The following SLC7A14 variants were observed in gnomAD, a reference collection of about 807,000 sequenced individuals.
The protein encoded by SLC7A14 is solute carrier family 7 member 14.
In SLC7A14, 37 loss-of-function variants were observed where a neutral mutation model predicts 60.2. The ratio of observed to expected loss-of-function variants is 0.61; its 90% CI spans 0.47 to 0.81. The LOEUF (loss-of-function observed/expected upper bound fraction) is 0.81, where lower values mean the gene tolerates loss of function less well. Ranked by LOEUF, SLC7A14 falls within the 30% of genes least tolerant of loss-of-function variation. The pLI is 0.00. For missense variants in SLC7A14, 886 were observed against 982.7 expected (o/e 0.90, Z 1.32); for synonymous variants, 399 against 395.8 (o/e 1.01, Z -0.10).
intron 1 of SLC7A14, among the ~76,000 whole-genome samples, chr3:170,553,200 C>G (rs1254655508): frequency 6.6e-6 from 1 of 152,308 alleles, no homozygotes; most frequent in African/African-American, 2.4e-5. Flanking sequence ...ATCCCTGGCT[C>G]TACCTCAATC....
At chr3:170,505,656 C>T (rs945227651) in intron 2 of SLC7A14, among the ~76,000 whole-genome samples, 7 of 152,074 alleles carry the variant, frequency 4.6e-5, no homozygotes, top group African/African-American at 1.4e-4. Context: ...GAGGGCGAGG[C>T]GGGTGGATCA....
intron 2 of SLC7A14, among the ~76,000 whole-genome samples, chr3:170,505,364 G>A (rs1371840454): frequency 6.6e-6 from 1 of 152,148 alleles, no homozygotes; most frequent in Non-Finnish European, 1.5e-5. Flanking sequence ...GTCTCCTAAT[G>A]TACGCATGCC....
rs1266296455 is a variant in SLC7A14 at position 170,483,340 on chromosome 3, G to A, written c.1089C>T (p.Ala363=). 1 of 1,614,132 alleles carries A rather than the reference G, an allele frequency of 6.2e-7. No homozygotes were observed. Among genetic ancestry groups the A allele is most frequent in the East Asian group, 2.2e-5 (1 of 44,882 alleles). The change falls in exon 6 of 8, where the codon GCC becomes GCT. Residue 363 remains alanine (A), a synonymous_variant. Transcript: ENST00000231706. Reference sequence around the variant, plus strand: ...TGAAAAGGAGCCCGTCACCAGCCATGGCATAAATGACCCTCGGCATCGGGA... The same window carrying A: ...TGAAAAGGAGCCCGTCACCAGCCATAGCATAAATGACCCTCGGCATCGGGA... The part of the protein sequence containing the change: ...SLFPMPRVIY[A]MAGDGLLFRF...
Position 170,576,319 on chromosome 3 carries a change from A to G in SLC7A14, c.-153+9592T>C, listed in dbSNP as rs967844697. On this transcript the variant is annotated intron_variant, in intron 1 of 7. Coordinates refer to ENST00000231706, the MANE Select transcript of SLC7A14 (RefSeq NM_020949.3). ...TTGTCATAAAACAAGTGAATATTAC[A>G]ATGTTTCTTCAATAAATTGCAAAGA... Among the ~76,000 whole-genome samples, 62 of 152,214 alleles carry G rather than the reference A, an allele frequency of 4.1e-4. 1 individual carries two copies.
chr3:170,484,443 G>A (rs550113041), intron 5 of SLC7A14, among the ~76,000 whole-genome samples: 16 of 152,122 alleles, frequency 1.1e-4, no homozygotes, highest in Non-Finnish European at 1.9e-4. Context: ...TACTCCCCTC[G>A]CATATTATTG....
chr3:170,576,713 G>C (rs1016405332), intron 1 of SLC7A14, among the ~76,000 whole-genome samples: 4 of 152,126 alleles, frequency 2.6e-5, no homozygotes, highest in African/African-American at 7.2e-5. Context: ...TTTCAGTGGG[G>C]GTGGAGTGCT....
chr3:170,585,221 G>C lies in SLC7A14; in HGVS notation c.-153+690C>G, dbSNP rs900718053. On this transcript the variant is annotated intron_variant, in intron 1 of 7. Transcript: ENST00000231706. The surrounding 1 kb of genome is among the most constrained non-coding windows in gnomAD (Gnocchi z 5.1). ...GTGCAGGAGAGCTCCCCTTGCTGGG[G>C]CTGCCGGCTCTGGGCAGGGAGCTTC... Among the ~76,000 whole-genome samples, 5 of 152,150 alleles carry C rather than the reference G, an allele frequency of 3.3e-5. No individual in the cohort carries two copies. Among genetic ancestry groups the C allele is most frequent in the African/African-American group, 1.2e-4 (5 of 41,450 alleles).
intron 1 of SLC7A14, among the ~76,000 whole-genome samples, chr3:170,570,846 C>A (rs561962320): frequency 6.6e-6 from 1 of 152,216 alleles, no homozygotes; most frequent in East Asian, 1.9e-4. Flanking sequence ...AACCACCCCC[C>A]ACCCACCCCA....
At chr3:170,510,896 T>C (rs937011925) in intron 2 of SLC7A14, among the ~76,000 whole-genome samples, 2 of 152,246 alleles carry the variant, frequency 1.3e-5, no homozygotes, top group African/African-American at 4.8e-5. Context: ...CTAGACTCAC[T>C]GTACGTGGTT....
chr3:170,473,242 A>G (rs1029600518), intron 7 of SLC7A14, among the ~76,000 whole-genome samples: 2 of 152,190 alleles, frequency 1.3e-5, no homozygotes, highest in African/African-American at 4.8e-5. Context: ...ACCTACAAGA[A>G]AGAGAGGTGG....
chr3:170,486,250 A>T lies in SLC7A14; in HGVS notation c.878T>A (p.Leu293Gln), dbSNP rs1712025051. 1.2e-6 allele frequency: 2 copies of T among 1,614,086 alleles called. No homozygotes were observed. Among genetic ancestry groups the T allele is most frequent in the South Asian group, 2.2e-5 (2 of 91,080 alleles). ...TSIPYAITAS[L>Q]VICLTAYVSV... ...CACATATGCTGTCAGGCAGATGACCAGGGAGGCAGTGATAGCATAAGGGAT... is the reference window on the plus strand; with the variant it reads ...CACATATGCTGTCAGGCAGATGACCTGGGAGGCAGTGATAGCATAAGGGAT... Residue 293 changes from leucine to glutamine, a missense_variant, in exon 5 of 8, where the codon CTG (leucine) becomes CAG (glutamine). By Grantham distance (113) the Leu-to-Gln change is moderately radical (BLOSUM62 -2). Coordinates refer to ENST00000231706, the MANE Select transcript of SLC7A14 (RefSeq NM_020949.3).
chr3:170,527,165 T>G, intron 1 of SLC7A14, 77 bp from the exon 2 acceptor site: 1 of 575,266 alleles, frequency 1.7e-6, no homozygotes, highest in East Asian at 2.9e-5. Context: ...TGGTTGGAGG[T>G]TAATGTCCTG....
At chr3:170,550,632 C>CT (rs1466182448) in intron 1 of SLC7A14, among the ~76,000 whole-genome samples, 1 of 148,344 alleles carries the variant, frequency 6.7e-6, no homozygotes, top group East Asian at 2.1e-4. Flanking sequence ...AGCAATTCTC[C>CT]TGCCTCAGCC....
chr3:170,512,342 T>G (rs1426730213), intron 2 of SLC7A14, among the ~76,000 whole-genome samples: 3 of 152,000 alleles, frequency 2.0e-5, no homozygotes, highest in African/African-American at 7.3e-5. Flanking sequence ...CCACAGCAAA[T>G]CTTTCATGGG....
intron 1 of SLC7A14, among the ~76,000 whole-genome samples, chr3:170,582,920 C>T (rs553955887): frequency 1.1e-4 from 17 of 152,210 alleles, no homozygotes; most frequent in South Asian, 8.3e-4. Context: ...TATGTTAGAG[C>T]GAACTAGAAT....
Position 170,526,913 on chromosome 3 carries a change from C to T in SLC7A14, c.24G>A (p.Leu8=). Residue 8 remains leucine (L), a synonymous_variant, in exon 2 of 8, where the codon CTG becomes CTA. Transcript: ENST00000231706. MSGFFTS[L]DPRRVQWGAA... ...CTCCCCACTGCACCCGCCGGGGGTCCAGCGAGGTGAAGAAGCCACTCATCT... is the reference window on the plus strand; with the variant it reads ...CTCCCCACTGCACCCGCCGGGGGTCTAGCGAGGTGAAGAAGCCACTCATCT... 6.2e-7 allele frequency: 1 copy of T among 1,613,354 alleles called. No homozygotes were observed. The highest frequency in any genetic ancestry group is 8.5e-7 in the Non-Finnish European group (1 of 1,179,730).
chr3:170,522,169 G>A (rs552370852), intron 2 of SLC7A14, among the ~76,000 whole-genome samples: 17 of 152,190 alleles, frequency 1.1e-4, no homozygotes, highest in Non-Finnish European at 2.2e-4. Context: ...CAAAGAACTG[G>A]AACTTTCACA....
chr3:170,486,244 A>C lies in SLC7A14; in HGVS notation c.884T>G (p.Ile295Ser). Residue 295 changes from isoleucine to serine, a missense_variant, in exon 5 of 8, where the codon ATC becomes AGC. Physicochemically the swap from Ile to Ser is moderately radical, Grantham distance 142. Coordinates refer to ENST00000231706, the MANE Select transcript of SLC7A14 (RefSeq NM_020949.3). ...IPYAITASLV[I>S]CLTAYVSVSV... Reference sequence around the variant, plus strand: ...TACAGACACATATGCTGTCAGGCAGATGACCAGGGAGGCAGTGATAGCATA... The same window carrying C: ...TACAGACACATATGCTGTCAGGCAGCTGACCAGGGAGGCAGTGATAGCATA... 1.2e-6 allele frequency: 2 copies of C among 1,614,194 alleles called. No homozygotes were observed. Among genetic ancestry groups the C allele is most frequent in the South Asian group, 2.2e-5 (2 of 91,076 alleles).
intron 1 of SLC7A14, among the ~76,000 whole-genome samples, chr3:170,533,986 A>G (rs930440903): frequency 1.3e-5 from 2 of 152,218 alleles, no homozygotes; most frequent in African/African-American, 2.4e-5. Flanking sequence ...TGAATCTATA[A>G]TGACTGCATA....
Sources: gnomAD v4.1 joint callset for allele counts (sites outside exome capture counted in the v4.1 genomes callset) on GRCh38, gnomAD v4.1.1 for gene constraint, Gnocchi (gnomAD v3.1) non-coding constraint, MANE v1.5 for transcripts, NCBI Gene and HGNC (gene_info 2026-07-23, HGNC 2026-07-21) for gene names.